The following CEACAM20 variants were observed in gnomAD, a reference collection of about 807,000 sequenced individuals.
CEACAM20 encodes cell adhesion molecule CEACAM20.
A neutral mutation model predicts 61.2 loss-of-function variants in CEACAM20; 50 were observed. The ratio of observed to expected loss-of-function variants is 0.82; its 90% CI spans 0.65 to 1.03. The LOEUF (loss-of-function observed/expected upper bound fraction) is 1.03, where lower values mean the gene tolerates loss of function less well. CEACAM20 is among the 50% of genes least tolerant of loss of function. CEACAM20 has a pLI of 0.00. For synonymous variants in CEACAM20, 282 were observed against 287.7 expected, an observed-to-expected ratio of 0.98 and a Z score of 0.20; for missense variants, 683 against 736.4, an observed-to-expected ratio of 0.93 and a Z score of 0.84.
At chr19:44,522,190 G>A (rs989042088) in intron 4 of CEACAM20, among the ~76,000 whole-genome samples, 7 of 151,526 alleles carry the variant, frequency 4.6e-5, no homozygotes, top group Non-Finnish European at 7.4e-5. Flanking sequence ...TGCAAGCTCC[G>A]CCTCCCAGGT....
At chr19:44,515,296 T>G (rs1329606729) in intron 6 of CEACAM20, among the ~76,000 whole-genome samples, 1 of 152,056 alleles carries the variant, frequency 6.6e-6, no homozygotes, top group Non-Finnish European at 1.5e-5. Flanking sequence ...CCAAGAGACC[T>G]TCATACATGA....
chr19:44,510,944 A>T, intron 11 of CEACAM20, 86 bp downstream of exon 11: 1 of 1,521,032 alleles, frequency 6.6e-7, no homozygotes, highest in South Asian at 1.2e-5. Flanking sequence ...TTCATAGTTC[A>T]TCCTACAGAC....
At chr19:44,513,426 T>C (rs4802229) in intron 6 of CEACAM20, 137 bp from the exon 7 acceptor site, 138,455 of 541,666 alleles carry the variant, frequency 0.26, 21,375 homozygotes, top group Non-Finnish European at 0.3. Flanking sequence ...GGTATCAGAT[T>C]GTGGTTTTTG....
chr19:44,522,124 A>G (rs1378412167), intron 4 of CEACAM20, among the ~76,000 whole-genome samples: 2 of 148,216 alleles, frequency 1.3e-5, no homozygotes, highest in East Asian at 3.9e-4. Flanking sequence ...TTTTTTTTTT[A>G]GACAGAGTCT....
At chr19:44,523,442 AAT>A (rs544774890) in intron 3 of CEACAM20, among the ~76,000 whole-genome samples, 1 of 151,902 alleles carries the variant, frequency 6.6e-6, no homozygotes, top group Non-Finnish European at 1.5e-5. Context: ...TGAATGAATG[AAT>A]GAATAAAGTG....
intron 11 of CEACAM20, among the ~76,000 whole-genome samples, chr19:44,510,593 AAAG>A (rs1970956051): frequency 1.6e-5 from 1 of 63,394 alleles, no homozygotes; most frequent in Non-Finnish European, 2.8e-5. Flanking sequence ...AGAAAGAAAG[AAAG>A]AAAGAAAGAA....
chr19:44,510,573 AAAG>A lies in CEACAM20; in HGVS notation c.1737+454_1737+456del, dbSNP rs1970950536. ...GAAAGAAAGAAAGAAAGAAAGAAAGAAAGAAAGAAAGAAAGAAAGAAAGAAAGA... is the reference window on the plus strand; with the variant it reads ...GAAAGAAAGAAAGAAAGAAAGAAAGAAAAGAAAGAAAGAAAGAAAGAAAGA... On this transcript the variant is annotated intron_variant, in intron 11 of 11. Transcript: ENST00000614924. Among the ~76,000 whole-genome samples the A allele has an allele frequency of 1.1e-3, 52 of 47,666 alleles. 3 individuals carry two copies. In the Middle Eastern group the frequency reaches 0.058, roughly 53 times the overall value. 31.3% of individuals were successfully genotyped at this position (47,666 alleles called of 152,430 possible).
chr19:44,509,756 G>A (rs1371471293), intron 11 of CEACAM20, among the ~76,000 whole-genome samples: 1 of 151,840 alleles, frequency 6.6e-6, no homozygotes, highest in African/African-American at 2.4e-5. Context: ...GGAAGGGTAT[G>A]GAGAAGAGAA....
In CEACAM20 at chr19:44,513,164, T is replaced by C; in HGVS notation, c.1427+8A>G. ...ATCCCCATCCCCCTCCCTGTATCCCTGTGTTACCGTCTGGCATTTCTGATG... is the reference window on the plus strand; with the variant it reads ...ATCCCCATCCCCCTCCCTGTATCCCCGTGTTACCGTCTGGCATTTCTGATG... On this transcript the variant is annotated splice_region_variant and intron_variant, in intron 7 of 11. Coordinates refer to ENST00000614924, the MANE Select transcript of CEACAM20 (RefSeq NM_001102597.3). 2.5e-6 allele frequency: 4 copies of C among 1,597,504 alleles called. No individual in the cohort carries two copies. Among genetic ancestry groups the C allele is most frequent in the Non-Finnish European group, 3.4e-6 (4 of 1,165,574 alleles).
Position 44,520,496 on chromosome 19 carries a change from C to T in CEACAM20, c.1008G>A (p.Glu336=). The change falls in exon 5 of 12, where the codon GAG becomes GAA. Residue 336 remains glutamate (E), a synonymous_variant. Coordinates refer to ENST00000614924, the MANE Select transcript of CEACAM20 (RefSeq NM_001102597.3). ...VWNWGSRARS[E]PLELTINYGP... ...CACAGTTGATGGTCAGCTCAAGGGG[C>T]TCACTCCGGGCCCGGCTGCCCCAGT... 1 of 1,613,280 alleles carries T rather than the reference C, an allele frequency of 6.2e-7. No homozygotes were observed. The highest frequency in any genetic ancestry group is 1.1e-5 in the South Asian group (1 of 91,048).
chr19:44,510,524 G>A (rs528723805), intron 11 of CEACAM20, among the ~76,000 whole-genome samples: 6 of 119,162 alleles, frequency 5.0e-5, no homozygotes, highest in Admixed American at 1.8e-4. Context: ...AAAAAAAAAA[G>A]AAAGATGAAA....
intron 10 of CEACAM20, 145 bp from the exon 11 acceptor site, chr19:44,511,300 C>A: frequency 8.2e-7 from 1 of 1,212,660 alleles, no homozygotes; most frequent in Non-Finnish European, 1.1e-6. Context: ...GGGTTAGAAC[C>A]CAGGCCCTTG....
At chr19:44,515,254 G>GATGATA (rs1364178085) in intron 6 of CEACAM20, among the ~76,000 whole-genome samples, 2 of 148,884 alleles carry the variant, frequency 1.3e-5, no homozygotes, top group African/African-American at 2.4e-5. Context: ...TGATGATGAT[G>GATGATA]ATAGAAGCTG....
At chr19:44,525,291 G>A in intron 1 of CEACAM20, 47 bp from the exon 2 acceptor site, 2 of 1,520,364 alleles carry the variant, frequency 1.3e-6, no homozygotes. Context: ...GGTGTGTTGG[G>A]GGTTGCCCGG....
chr19:44,511,954 G>T, intron 9 of CEACAM20, 63 bp downstream of exon 9: 2 of 1,464,908 alleles, frequency 1.4e-6, no homozygotes, highest in Non-Finnish European at 1.9e-6. Context: ...CCCACCCTAA[G>T]AAGTAAGACT....
intron 6 of CEACAM20, among the ~76,000 whole-genome samples, chr19:44,514,612 C>G (rs896015990): frequency 1.3e-5 from 2 of 151,994 alleles, no homozygotes; most frequent in African/African-American, 4.8e-5. Context: ...CCATGCCTGG[C>G]TAATTTGTGT....
At chr19:44,523,457 C>T (rs1014650263) in intron 3 of CEACAM20, among the ~76,000 whole-genome samples, 3 of 149,200 alleles carry the variant, frequency 2.0e-5, no homozygotes, top group Non-Finnish European at 3.0e-5. Flanking sequence ...ATAAAGTGAG[C>T]CAGCTAATGC....
chr19:44,521,688 ATGAG>A (rs1281760572), intron 4 of CEACAM20, among the ~76,000 whole-genome samples: 9 of 151,788 alleles, frequency 5.9e-5, no homozygotes, highest in African/African-American at 2.2e-4. Flanking sequence ...GTACTTTGTG[ATGAG>A]TGAGTTGTAC....
intron 11 of CEACAM20, among the ~76,000 whole-genome samples, chr19:44,510,547 G>GGAAAGAAAGAAA (rs770702249): frequency 3.5e-3 from 183 of 52,782 alleles, no homozygotes; most frequent in Non-Finnish European, 3.7e-3. Flanking sequence ...AAGGAAGGAA[G>GGAAAGAAAGAAA]GAAAGAAAGA....
Sources: allele counts gnomAD v4.1 joint callset (sites outside exome capture counted in the v4.1 genomes callset), GRCh38; gene constraint gnomAD v4.1.1; transcripts MANE v1.5; gene names NCBI Gene and HGNC (gene_info 2026-07-23, HGNC 2026-07-21).